The following VGLL3 variants were observed in gnomAD, a reference collection of about 807,000 sequenced individuals.
The protein encoded by VGLL3 is transcription cofactor vestigial-like protein 3.
In VGLL3, 18 loss-of-function variants were observed where a neutral mutation model predicts 29.2. The observed-to-expected ratio is 0.62, with a 90% CI of 0.43 to 0.91. VGLL3 has a LOEUF of 0.91. Ranked by LOEUF, VGLL3 falls within the 40% of genes least tolerant of loss-of-function variation. The probability of loss-of-function intolerance (pLI) is 0.00; values close to 1 mark genes in which losing one functional copy is unlikely to be tolerated. For synonymous variants in VGLL3, 180 were observed against 151.8 expected, an observed-to-expected ratio of 1.19 and a Z score of -1.36; for missense variants, 440 against 413.2, an observed-to-expected ratio of 1.06 and a Z score of -0.56.
rs1705028661 is a variant in VGLL3 at position 86,969,052 on chromosome 3, G to T, written c.475C>A (p.Pro159Thr). The T allele has an allele frequency of 1.2e-6, 2 of 1,613,944 alleles. No individual in the cohort carries two copies. Among genetic ancestry groups the T allele is most frequent in the Non-Finnish European group, 8.5e-7 (1 of 1,179,968 alleles). The change falls in exon 3 of 4, where the codon CCT becomes ACT. Residue 159 changes from proline (P) to threonine (T), a missense_variant. Physicochemically the swap from Pro to Thr is conservative, Grantham distance 38. Transcript: ENST00000398399. ...SFWTSSYQPP[P>T]APCLGGVHPD... ...TGAACTCCCCCCAAACAAGGTGCAGGTGGGGGCTGGTAAGAGCTGGTCCAA... is the reference window on the plus strand; with the variant it reads ...TGAACTCCCCCCAAACAAGGTGCAGTTGGGGGCTGGTAAGAGCTGGTCCAA...
At chr3:86,947,323 A>G (rs761707336) in intron 3 of VGLL3, among the ~76,000 whole-genome samples, 6 of 152,194 alleles carry the variant, frequency 3.9e-5, no homozygotes, top group Non-Finnish European at 7.3e-5. Flanking sequence ...ATTATTTGCT[A>G]TATTTTTTAT....
chr3:86,976,544 T>C (rs778815843), intron 2 of VGLL3, among the ~76,000 whole-genome samples: 9 of 152,242 alleles, frequency 5.9e-5, no homozygotes, highest in Non-Finnish European at 1.3e-4. Context: ...AAATTTAAGA[T>C]AGTTCCAAGA....
rs1286271681 is a variant in VGLL3, at chr3:86,944,502, C to T, written c.*2522G>A. On this transcript the variant is annotated 3_prime_UTR_variant, in exon 4 of 4. Coordinates refer to ENST00000398399, the MANE Select transcript of VGLL3 (RefSeq NM_016206.4). ...GGGCTCAAGCAATCCTCCCGAGCCT[C>T]TGCCTCCTATAATACTAGGATTACA... The T allele has an allele frequency of 6.6e-6, 1 of 152,374 alleles. No homozygotes were observed. The highest frequency in any genetic ancestry group is 1.5e-5 in the Non-Finnish European group (1 of 68,180). 9.4% of individuals were successfully genotyped at this position (152,374 alleles called of 1,614,324 possible).
chr3:86,951,521 A>T (rs1704617911), intron 3 of VGLL3, among the ~76,000 whole-genome samples: 1 of 152,192 alleles, frequency 6.6e-6, no homozygotes, highest in Non-Finnish European at 1.5e-5. Context: ...TTTGGGAGAG[A>T]TGTAGTGATT....
In VGLL3 at chr3:86,938,117, G is replaced by A. The variant is rs1043319277; in HGVS notation, c.*8907C>T. ...TTTATTTCTGTTGACTCTAATCTTTGACTTAACGATATTTTCCCAGACTTA... is the reference window on the plus strand; with the variant it reads ...TTTATTTCTGTTGACTCTAATCTTTAACTTAACGATATTTTCCCAGACTTA... On this transcript the variant is annotated 3_prime_UTR_variant, in exon 4 of 4. Transcript: ENST00000398399. The A allele has an allele frequency of 5.3e-5, 8 of 152,004 alleles. No homozygotes were observed. Among genetic ancestry groups the A allele is most frequent in the African/African-American group, 1.9e-4 (8 of 41,360 alleles). 9.4% of individuals were successfully genotyped at this position (152,004 alleles called of 1,614,324 possible).
chr3:86,990,552 C>T, intron 1 of VGLL3, 66 bp downstream of exon 1: 1 of 1,309,150 alleles, frequency 7.6e-7, no homozygotes, highest in East Asian at 2.8e-5. Context: ...CGTCGCCGAG[C>T]CCCAGACCGA....
intron 2 of VGLL3, among the ~76,000 whole-genome samples, chr3:86,974,973 G>A (rs148729902): frequency 1.3e-5 from 2 of 152,232 alleles, no homozygotes; most frequent in African/African-American, 4.8e-5. Context: ...AGAGAGAAAA[G>A]GCATCTGGCT....
intron 1 of VGLL3, among the ~76,000 whole-genome samples, chr3:86,979,128 C>A (rs781244127): frequency 3.3e-5 from 5 of 152,124 alleles, no homozygotes; most frequent in Non-Finnish European, 7.4e-5. Flanking sequence ...GCTAGGCCAA[C>A]AGGAGAATTA....
intron 3 of VGLL3, among the ~76,000 whole-genome samples, chr3:86,965,404 A>G (rs1018573017): frequency 2.6e-5 from 4 of 152,124 alleles, no homozygotes; most frequent in Non-Finnish European, 4.4e-5. Flanking sequence ...GTTCAGGCCA[A>G]TGTGGCACAG....
intron 2 of VGLL3, 94 bp downstream of exon 2, chr3:86,978,432 C>T (rs963623864): frequency 1.8e-5 from 25 of 1,371,990 alleles, no homozygotes; most frequent in Middle Eastern, 2.4e-4. Context: ...AAGTGGATAT[C>T]CATCCTCAGG....
chr3:86,969,978 C>T (rs1248520249), intron 2 of VGLL3, among the ~76,000 whole-genome samples: 6 of 152,082 alleles, frequency 3.9e-5, no homozygotes, highest in Admixed American at 3.3e-4. Flanking sequence ...GGCTGGGCCT[C>T]TTCATAAAGT....
intron 2 of VGLL3, among the ~76,000 whole-genome samples, chr3:86,976,428 C>G (rs558725562): frequency 6.6e-6 from 1 of 152,274 alleles, no homozygotes; most frequent in African/African-American, 2.4e-5. Flanking sequence ...GAGGGTAGAG[C>G]CTTGGGCTGT....
At chr3:86,979,173 T>C (rs1427289974) in intron 1 of VGLL3, among the ~76,000 whole-genome samples, 1 of 152,246 alleles carries the variant, frequency 6.6e-6, no homozygotes, top group African/African-American at 2.4e-5. Flanking sequence ...AGTTTTGGTT[T>C]ATTTTTAAAA....
At chr3:86,970,482 C>T (rs1166586816) in intron 2 of VGLL3, among the ~76,000 whole-genome samples, 1 of 120,800 alleles carries the variant, frequency 8.3e-6, no homozygotes, top group Non-Finnish European at 1.7e-5. Context: ...ATTACACACA[C>T]GCACACACAC....
intron 3 of VGLL3, among the ~76,000 whole-genome samples, chr3:86,959,879 A>G (rs1704802261): frequency 6.6e-6 from 1 of 152,164 alleles, no homozygotes; most frequent in African/African-American, 2.4e-5. Flanking sequence ...AAAAGAAATC[A>G]TAGGTCTTGA....
chr3:86,969,370 G>A lies in VGLL3; in HGVS notation c.404-247C>T, dbSNP rs1705041498. ...CCTCCATTTGCTTTGCTTGGCTTAT[G>A]CCGTCACAGTCTGTGCTAAGGTTTG... On this transcript the variant is annotated intron_variant, in intron 2 of 3. Coordinates refer to ENST00000398399, the MANE Select transcript of VGLL3 (RefSeq NM_016206.4). 2.6e-5 allele frequency among the ~76,000 whole-genome samples: 4 copies of A among 152,284 alleles called. No individual in the cohort carries two copies. In the South Asian group the frequency reaches 8.3e-4, roughly 32 times the overall value.
chr3:86,980,672 C>T (rs1705307806), intron 1 of VGLL3, among the ~76,000 whole-genome samples: 1 of 151,970 alleles, frequency 6.6e-6, no homozygotes, highest in Non-Finnish European at 1.5e-5. Flanking sequence ...AAAACTATTC[C>T]TAGTTTTAAA....
intron 3 of VGLL3, chr3:86,962,442 G>GA (rs907216955): frequency 1.2e-4 from 119 of 984,980 alleles, no homozygotes; most frequent in Non-Finnish European, 1.4e-4. Flanking sequence ...CAGCCCTTCG[G>GA]AAAAAATGGA....
In VGLL3 at chr3:86,946,420, A is replaced by G. The variant is rs957525490; in HGVS notation, c.*604T>C. Reference sequence around the variant, plus strand: ...GTATAGCTACTTTTGTAAGAAGGAAAAAAACAAAACATTTGAGGTAACCTA... The same window carrying G: ...GTATAGCTACTTTTGTAAGAAGGAAGAAAACAAAACATTTGAGGTAACCTA... On this transcript the variant is annotated 3_prime_UTR_variant, in exon 4 of 4. Transcript: ENST00000398399. The G allele has an allele frequency of 5.9e-5, 9 of 152,218 alleles. No individual in the cohort carries two copies. Among genetic ancestry groups the G allele is most frequent in the Admixed American group, 2.0e-4 (3 of 15,282 alleles). 9.4% of individuals were successfully genotyped at this position (152,218 alleles called of 1,614,324 possible). A position where few individuals can be genotyped will look rare whatever the true frequency, so the allele number is the denominator to read the frequency against.
Sources: gnomAD v4.1 joint callset for allele counts (sites outside exome capture counted in the v4.1 genomes callset) on GRCh38, gnomAD v4.1.1 for gene constraint, MANE v1.5 for transcripts, NCBI Gene and HGNC (gene_info 2026-07-23, HGNC 2026-07-21) for gene names.